CELF5: variants seen among roughly 807,000 people sequenced by gnomAD.
The protein encoded by CELF5 is CUG-BP and ETR-3 like factor 5.
Under a neutral mutation model 54.9 loss-of-function variants are expected in CELF5, and 6 were observed. The ratio of observed to expected loss-of-function variants is 0.11; its 90% CI spans 0.06 to 0.22. The LOEUF (loss-of-function observed/expected upper bound fraction) is 0.22, where lower values mean the gene tolerates loss of function less well. Among genes scored for constraint, CELF5 ranks in the 10% least tolerant of loss-of-function variants. CELF5 has a pLI of 1.00. For missense variants in CELF5, 401 were observed against 678.6 expected (o/e 0.59, Z 4.54); for synonymous variants, 271 against 290.9 (o/e 0.93, Z 0.70).
In CELF5 at chr19:3,228,834, ACAGCGGCAGGGGG is replaced by A. The variant is rs1270777561; in HGVS notation, c.259+3838_259+3850del. Reference sequence around the variant, plus strand: ...GTTGGCACCCCTGGTGGTGGCGGGGACAGCGGCAGGGGGCTGGGGGTGGCTGGCAGGGTTGGCC... The same window carrying A: ...GTTGGCACCCCTGGTGGTGGCGGGGACTGGGGGTGGCTGGCAGGGTTGGCC... On this transcript the variant is annotated intron_variant, in intron 1 of 12. Coordinates refer to ENST00000292672, the MANE Select transcript of CELF5 (RefSeq NM_021938.4). The surrounding 1 kb of genome is among the most constrained non-coding windows in gnomAD (Gnocchi z 6.0). 6.8e-6 allele frequency among the ~76,000 whole-genome samples: 1 copy of A among 147,794 alleles called. No individual in the cohort carries two copies. Among genetic ancestry groups the A allele is most frequent in the African/African-American group, 2.5e-5 (1 of 39,426 alleles).
At chr19:3,257,303 G>A (rs2079741304) in intron 2 of CELF5, among the ~76,000 whole-genome samples, 1 of 152,154 alleles carries the variant, frequency 6.6e-6, no homozygotes. Context: ...AGAAGAGTGA[G>A]TGACGGGGAG....
intron 11 of CELF5, among the ~76,000 whole-genome samples, chr19:3,292,152 G>A (rs1393862707): frequency 6.6e-6 from 1 of 152,002 alleles, no homozygotes; most frequent in African/African-American, 2.4e-5. Context: ...TCACCATGTT[G>A]GCCAGGCTGG....
chr19:3,261,515 T>C (rs2079806304), intron 2 of CELF5, among the ~76,000 whole-genome samples: 2 of 151,950 alleles, frequency 1.3e-5, no homozygotes, highest in Non-Finnish European at 2.9e-5. Flanking sequence ...GGATGTGAAA[T>C]AGCTCATTAA....
At position 3,248,832 on chromosome 19, in the gene CELF5, C is replaced by T. The variant is rs545654090; in HGVS notation, c.260-2153C>T. Among the ~76,000 whole-genome samples, 9 of 151,648 alleles carry T rather than the reference C, an allele frequency of 5.9e-5. No individual in the cohort carries two copies. In the South Asian group the frequency reaches 1.9e-3, roughly 32 times the overall value. On this transcript the variant is annotated intron_variant, in intron 1 of 12. Coordinates refer to ENST00000292672, the MANE Select transcript of CELF5 (RefSeq NM_021938.4). ...GCAGCCGTACCATTTTACATTCCTACTACAAACTTTTTTCTTTCTTTCTTC... is the reference window on the plus strand; with the variant it reads ...GCAGCCGTACCATTTTACATTCCTATTACAAACTTTTTTCTTTCTTTCTTC...
intron 1 of CELF5, among the ~76,000 whole-genome samples, chr19:3,248,860 T>C (rs1387364390): frequency 2.7e-5 from 2 of 72,818 alleles, no homozygotes; most frequent in Middle Eastern, 7.0e-3. Flanking sequence ...CTTTCTTCCT[T>C]CCTTCCTTCC....
At chr19:3,293,217 C>T in intron 11 of CELF5, 102 bp from the exon 12 acceptor site, 2 of 1,506,730 alleles carry the variant, frequency 1.3e-6, no homozygotes, top group South Asian at 2.5e-5. Context: ...TGCACGCAGG[C>T]CTGCTCAGGA....
In CELF5 at chr19:3,250,212, G is replaced by A. The variant is rs183960263; in HGVS notation, c.260-773G>A. ...CATTTTAAATGCATGGTTCAGGCCG[G>A]GTGCGGTGGCTCACGCCTGTAATCC... On this transcript the variant is annotated intron_variant, in intron 1 of 12. Transcript: ENST00000292672. 2.6e-5 allele frequency among the ~76,000 whole-genome samples: 4 copies of A among 152,324 alleles called. No homozygotes were observed. The East Asian group carries it at 7.7e-4, about 29-fold the overall frequency.
chr19:3,278,098 C>T lies in CELF5; in HGVS notation c.591C>T (p.Ser197=). 1 of 1,609,854 alleles carries T rather than the reference C, an allele frequency of 6.2e-7. No homozygotes were observed. The highest frequency in any genetic ancestry group is 8.5e-7 in the Non-Finnish European group (1 of 1,178,638). ...CGGCCATCCACGCCTTGCATGGGAG[C>T]CAGACCATGCCGGTGAGTTGGAGCT... ...AQAAIHALHG[S]QTMPGASSSL... The change falls in exon 5 of 13, where the codon AGC becomes AGT. Residue 197 remains serine (S), a synonymous_variant. Transcript: ENST00000292672. This position sits in a 1 kb window ranked among gnomAD's most constrained non-coding sequence, Gnocchi z 4.5.
At chr19:3,260,374 G>A (rs866199064) in intron 2 of CELF5, among the ~76,000 whole-genome samples, 8 of 152,218 alleles carry the variant, frequency 5.3e-5, no homozygotes, top group Middle Eastern at 6.8e-3. Flanking sequence ...TACCTCAAAT[G>A]ATCCCCCTGC....
rs756735189 is a variant in CELF5, at chr19:3,278,074, G to A, written c.567G>A (p.Ala189=). The A allele has an allele frequency of 3.3e-5, 54 of 1,613,052 alleles. No individual in the cohort carries two copies. Among genetic ancestry groups the A allele is most frequent in the East Asian group, 4.5e-5 (2 of 44,898 alleles). ...VKFSSHTEAQ[A]AIHALHGSQT... ...TCTCCTCCCACACGGAGGCGCAGGC[G>A]GCCATCCACGCCTTGCATGGGAGCC... The change falls in exon 5 of 13, where the codon GCG becomes GCA. Residue 189 remains alanine, a synonymous_variant. Coordinates refer to ENST00000292672, the MANE Select transcript of CELF5 (RefSeq NM_021938.4). This position sits in a 1 kb window ranked among gnomAD's most constrained non-coding sequence, Gnocchi z 4.5.
chr19:3,280,855 G>A (rs375378936), intron 5 of CELF5, among the ~76,000 whole-genome samples: 27 of 152,164 alleles, frequency 1.8e-4, no homozygotes, highest in Non-Finnish European at 2.5e-4. Context: ...TCAGGTGAGC[G>A]GAAGTCATAG....
intron 2 of CELF5, among the ~76,000 whole-genome samples, chr19:3,251,938 G>A (rs914255768): frequency 6.6e-6 from 1 of 152,028 alleles, no homozygotes; most frequent in Non-Finnish European, 1.5e-5. Context: ...GCCTCCCAAA[G>A]TGCTGGGATT....
chr19:3,259,567 T>C (rs1049384383), intron 2 of CELF5, among the ~76,000 whole-genome samples: 3 of 152,092 alleles, frequency 2.0e-5, no homozygotes, highest in Admixed American at 6.6e-5. Context: ...CCCCAGCTCC[T>C]GGGACTCACC....
chr19:3,256,562 T>A (rs201359234), intron 2 of CELF5, among the ~76,000 whole-genome samples: 2 of 117,880 alleles, frequency 1.7e-5, no homozygotes, highest in Admixed American at 1.8e-4. Context: ...ATTATTATTA[T>A]TATTATTATT....
At chr19:3,248,909 T>TTC (rs1343063051) in intron 1 of CELF5, among the ~76,000 whole-genome samples, 502 of 76,448 alleles carry the variant, frequency 6.6e-3, no homozygotes, top group Middle Eastern at 0.014. Flanking sequence ...TTCCTTCCTT[T>TTC]CTTTCTTTCT....
chr19:3,263,245 T>C (rs1484336303), intron 2 of CELF5, among the ~76,000 whole-genome samples: 4 of 87,596 alleles, frequency 4.6e-5, no homozygotes, highest in Admixed American at 1.5e-4. Context: ...AGATTCTGTC[T>C]CAAAAAAAAA....
chr19:3,268,713 G>A lies in CELF5; in HGVS notation c.343-5159G>A, dbSNP rs534778932. On this transcript the variant is annotated intron_variant, in intron 2 of 12. Coordinates refer to ENST00000292672, the MANE Select transcript of CELF5 (RefSeq NM_021938.4). The surrounding 1 kb of genome is among the most constrained non-coding windows in gnomAD (Gnocchi z 4.4). The stretch of plus-strand genomic sequence containing the variant: ...TGCCCTTGTGCCCCTGCCTCCCACC[G>A]GAGCTACCCCAAGTGAGGGGCAGTG... Among the ~76,000 whole-genome samples the A allele has an allele frequency of 6.6e-5, 10 of 152,272 alleles. No individual in the cohort carries two copies. Among genetic ancestry groups the A allele is most frequent in the East Asian group, 5.8e-4 (3 of 5,170 alleles).
Position 3,282,137 on chromosome 19 carries a change from G to A in CELF5, c.762G>A (p.Gln254=). 6.2e-7 allele frequency: 1 copy of A among 1,614,194 alleles called. No homozygotes were observed. Among genetic ancestry groups the A allele is most frequent in the Non-Finnish European group, 8.5e-7 (1 of 1,180,050 alleles). ...GTCTTCACCCCCAGCTCATGCAACA[G>A]CAGACAACAGTCCTGTCCACCTCGG... ...YSAYAQALMQ[Q]QTTVLSTSGS... The change falls in exon 7 of 13, where the codon CAG becomes CAA. Residue 254 remains glutamine (Q), a synonymous_variant. Coordinates refer to ENST00000292672, the MANE Select transcript of CELF5 (RefSeq NM_021938.4). This position sits in a 1 kb window ranked among gnomAD's most constrained non-coding sequence, Gnocchi z 5.2.
chr19:3,285,060 G>C (rs2080215958), intron 9 of CELF5, 96 bp downstream of exon 9: 1 of 913,682 alleles, frequency 1.1e-6, no homozygotes, highest in Non-Finnish European at 1.7e-6. Context: ...GTTCTTCTGT[G>C]CCTAGCCGCG....
Sources: gnomAD v4.1 joint callset for allele counts (sites outside exome capture counted in the v4.1 genomes callset) on GRCh38, gnomAD v4.1.1 for gene constraint, Gnocchi (gnomAD v3.1) non-coding constraint, MANE v1.5 for transcripts, NCBI Gene and HGNC (gene_info 2026-07-23, HGNC 2026-07-21) for gene names.